Variants in BCKDHB observed in about 807,000 individuals in gnomAD.
The protein encoded by BCKDHB is branched chain keto acid dehydrogenase E1 subunit beta.
BCKDHB carries 41 observed loss-of-function variants against 48.5 expected under a neutral mutation model. The ratio of observed to expected loss-of-function variants is 0.85; its 90% confidence interval spans 0.66 to 1.10. BCKDHB has a LOEUF of 1.10. BCKDHB is among the 50% of genes least tolerant of loss of function. BCKDHB has a pLI of 0.00. For missense variants in BCKDHB, 496 were observed against 494.2 expected, an observed-to-expected ratio of 1.00 and a Z score of -0.03; for synonymous variants, 201 against 174.8, an observed-to-expected ratio of 1.15 and a Z score of -1.18.
intron 6 of BCKDHB, among the ~76,000 whole-genome samples, chr6:80,190,150 T>C (rs945544025): frequency 5.9e-5 from 9 of 152,154 alleles, no homozygotes; most frequent in African/African-American, 2.2e-4. Flanking sequence ...GCTTGATTCG[T>C]GTGTAAAAAA....
At chr6:80,296,654 AT>A (rs796876508) in intron 9 of BCKDHB, among the ~76,000 whole-genome samples, 487 of 150,404 alleles carry the variant, frequency 3.2e-3, no homozygotes, top group Middle Eastern at 0.014. Context: ...AACCCTTTAC[AT>A]TTTTTTTTAA....
chr6:80,128,528 G>A (rs1770458782), intron 2 of BCKDHB, among the ~76,000 whole-genome samples: 1 of 152,010 alleles, frequency 6.6e-6, no homozygotes, highest in Non-Finnish European at 1.5e-5. Context: ...TGCTTACTGT[G>A]TCCTTCGTGC....
intron 3 of BCKDHB, among the ~76,000 whole-genome samples, chr6:80,138,438 C>A (rs1207614076): frequency 6.6e-6 from 1 of 151,926 alleles, no homozygotes; most frequent in African/African-American, 2.4e-5. Flanking sequence ...TGCTATTCCT[C>A]CCCCGTCCCC....
the BCKDHB span, among the ~76,000 whole-genome samples, chr6:80,378,930 GA>G: frequency 6.6e-6 from 1 of 151,840 alleles, no homozygotes; most frequent in African/African-American, 2.4e-5. Context: ...ACTTAGTAAT[GA>G]AATCAAATCA....
At chr6:80,357,887 A>G in the BCKDHB span, among the ~76,000 whole-genome samples, 3 of 152,126 alleles carry the variant, frequency 2.0e-5, no homozygotes, top group Non-Finnish European at 4.4e-5. Context: ...TGTGTCCTGT[A>G]TCCATGCTTT....
chr6:80,244,138 T>C (rs1041655359), intron 8 of BCKDHB, among the ~76,000 whole-genome samples: 8 of 152,136 alleles, frequency 5.3e-5, no homozygotes, highest in Non-Finnish European at 7.3e-5. Context: ...ATGTTAAGTA[T>C]TGATGTGTAG....
At chr6:80,254,149 A>T (rs915222036) in intron 8 of BCKDHB, among the ~76,000 whole-genome samples, 30 of 151,580 alleles carry the variant, frequency 2.0e-4, no homozygotes, top group Non-Finnish European at 3.2e-4. Context: ...AAAGGTGAAA[A>T]TTTCCCCTCT....
chr6:80,221,875 T>G (rs1048558663), intron 8 of BCKDHB, among the ~76,000 whole-genome samples: 3 of 152,238 alleles, frequency 2.0e-5, no homozygotes, highest in African/African-American at 7.2e-5. Flanking sequence ...ATGTTTCTTT[T>G]TCCAATAGCC....
chr6:80,123,160 C>T (rs1770134676), intron 1 of BCKDHB, among the ~76,000 whole-genome samples: 2 of 152,022 alleles, frequency 1.3e-5, no homozygotes. Flanking sequence ...TCCCTTGTTC[C>T]CTAAAAATTG....
intron 8 of BCKDHB, among the ~76,000 whole-genome samples, chr6:80,258,051 T>A (rs976238205): frequency 2.0e-5 from 3 of 152,138 alleles, no homozygotes; most frequent in African/African-American, 7.2e-5. Context: ...ATACATAGTT[T>A]AAGAATTTTA....
At chr6:80,282,460 C>A (rs1766375356) in intron 9 of BCKDHB, among the ~76,000 whole-genome samples, 2 of 152,044 alleles carry the variant, frequency 1.3e-5, no homozygotes, top group Admixed American at 6.6e-5. Context: ...GTATTCATCT[C>A]AGTGTTGTTC....
At chr6:80,389,259 A>G in the BCKDHB span, among the ~76,000 whole-genome samples, 3 of 152,172 alleles carry the variant, frequency 2.0e-5, no homozygotes, top group Non-Finnish European at 4.4e-5. Context: ...GGTGGCAGGG[A>G]TGGAGGTTAC....
intron 8 of BCKDHB, among the ~76,000 whole-genome samples, chr6:80,267,451 C>G (rs1200809199): frequency 6.6e-6 from 1 of 152,032 alleles, no homozygotes; most frequent in Non-Finnish European, 1.5e-5. Flanking sequence ...GAAAGCCCAG[C>G]TGGTTGCGGG....
intron 1 of BCKDHB, among the ~76,000 whole-genome samples, chr6:80,111,448 G>C (rs1030407311): frequency 6.6e-6 from 1 of 152,150 alleles, no homozygotes; most frequent in Non-Finnish European, 1.5e-5. Flanking sequence ...TGATGCTCTC[G>C]CATTTTTGGC....
chr6:80,151,062 A>C (rs769799103), intron 3 of BCKDHB, among the ~76,000 whole-genome samples: 2 of 152,194 alleles, frequency 1.3e-5, no homozygotes, highest in Non-Finnish European at 2.9e-5. Flanking sequence ...ATTCACATGT[A>C]TTTTACCTAA....
At chr6:80,239,780 T>TAATTCA (rs1776302931) in intron 8 of BCKDHB, among the ~76,000 whole-genome samples, 1 of 152,170 alleles carries the variant, frequency 6.6e-6, no homozygotes, top group Non-Finnish European at 1.5e-5. Flanking sequence ...AATTTTTGTG[T>TAATTCA]AAGATGTAAG....
the BCKDHB span, among the ~76,000 whole-genome samples, chr6:80,448,879 C>T: frequency 3.3e-5 from 5 of 152,240 alleles, no homozygotes; most frequent in Admixed American, 2.6e-4. Context: ...CCCCAAACCT[C>T]AATGTCACGC....
chr6:80,456,576 A>G, the BCKDHB span, among the ~76,000 whole-genome samples: 17 of 152,212 alleles, frequency 1.1e-4, no homozygotes, highest in Admixed American at 9.8e-4. Flanking sequence ...AGCCTTCAAG[A>G]TTCAAAGTAA....
At chr6:80,438,278 A>T in the BCKDHB span, among the ~76,000 whole-genome samples, 2 of 152,346 alleles carry the variant, frequency 1.3e-5, no homozygotes, top group African/African-American at 4.8e-5. Flanking sequence ...TTATTTTCTC[A>T]TATCAGAACA....
Sources: allele counts gnomAD v4.1 joint callset (sites outside exome capture counted in the v4.1 genomes callset), GRCh38; gene constraint gnomAD v4.1.1; transcripts MANE v1.5; gene names NCBI Gene and HGNC (gene_info 2026-07-23, HGNC 2026-07-21).